Variants in TM2D1 observed in about 807,000 individuals in gnomAD.
The protein encoded by TM2D1 is TM2 domain containing 1.
TM2D1 carries 15 observed loss-of-function variants against 28.4 expected under a neutral mutation model. That is an observed-to-expected ratio of 0.53 (90% CI 0.35 to 0.81). The LOEUF is 0.81. TM2D1 is among the 40% of genes least tolerant of loss of function. TM2D1 has a pLI of 0.01. For missense variants in TM2D1, 236 were observed against 254.9 expected (o/e 0.93, Z 0.50); for synonymous variants, 93 against 96.2 (o/e 0.97, Z 0.20).
chr1:61,711,301 G>A (rs983624860), intron 2 of TM2D1, among the ~76,000 whole-genome samples: 12 of 149,418 alleles, frequency 8.0e-5, no homozygotes, highest in Non-Finnish European at 1.5e-4. Flanking sequence ...TTGCATTCCA[G>A]CCTGGGTGAA....
intron 4 of TM2D1, 58 bp downstream of exon 4, chr1:61,700,876 C>A: frequency 7.9e-7 from 1 of 1,273,724 alleles, no homozygotes; most frequent in East Asian, 2.3e-5. Context: ...ATAAGAACAC[C>A]TACAATGAAC....
chr1:61,723,164 A>G (rs1034524466), intron 2 of TM2D1, among the ~76,000 whole-genome samples: 29 of 152,224 alleles, frequency 1.9e-4, no homozygotes, highest in Non-Finnish European at 8.8e-5. Context: ...ACATAAACAC[A>G]TACCCCAAAT....
intron 2 of TM2D1, among the ~76,000 whole-genome samples, chr1:61,714,377 C>T (rs1479940729): frequency 6.6e-6 from 1 of 151,804 alleles, no homozygotes; most frequent in Admixed American, 6.6e-5. Context: ...ACCGTCTCTA[C>T]TAAAAATAGA....
chr1:61,701,957 G>A (rs972073653), intron 3 of TM2D1, among the ~76,000 whole-genome samples: 6 of 152,110 alleles, frequency 3.9e-5, no homozygotes, highest in Admixed American at 3.9e-4. Flanking sequence ...TTGGGAGGCC[G>A]AGGCAGGTGG....
chr1:61,705,159 T>TCTGAAAAC lies in TM2D1; in HGVS notation c.348-4142_348-4135dup, dbSNP rs1344507528. Reference sequence around the variant, plus strand: ...GTAAGTAAATCACCCTAAAGAATAATCTGAAAACTGGTAGTATAGCAGAGA... The same window carrying TCTGAAAAC: ...GTAAGTAAATCACCCTAAAGAATAATCTGAAAACCTGAAAACTGGTAGTATAGCAGAGA... On this transcript the variant is annotated intron_variant, in intron 3 of 6. Coordinates refer to ENST00000606498, the MANE Select transcript of TM2D1 (RefSeq NM_032027.3). Among the ~76,000 whole-genome samples the TCTGAAAAC allele has an allele frequency of 2.6e-5, 4 of 152,186 alleles. No individual in the cohort carries two copies. The East Asian group carries it at 7.7e-4, about 29-fold the overall frequency.
rs769317909 is a variant in TM2D1 at position 61,723,750 on chromosome 1, C to G, written c.201G>C (p.Thr67=). 3 of 1,557,930 alleles carry G rather than the reference C, an allele frequency of 1.9e-6. No individual in the cohort carries two copies. In the East Asian group the frequency reaches 6.9e-5, roughly 36 times the overall value. Residue 67 remains threonine, a synonymous_variant, in exon 2 of 7, where the codon ACG becomes ACC. Coordinates refer to ENST00000606498, the MANE Select transcript of TM2D1 (RefSeq NM_032027.3). The part of the protein sequence containing the change: ...ICKDPKINDA[T]QEPVNCTNYT... ...AGTTTGTACAGTTAACTGGTTCTTG[C>G]GTAGCGTCATTTATTTTTGGATCTT... is the stretch of plus-strand genomic sequence containing the variant.
chr1:61,699,355 AAAAG>A (rs1287547914), intron 4 of TM2D1: 1 of 152,186 alleles, frequency 6.6e-6, no homozygotes, highest in African/African-American at 2.4e-5. Context: ...ACACAAAAAA[AAAAG>A]AAAGAAAAAG....
intron 3 of TM2D1, among the ~76,000 whole-genome samples, chr1:61,706,906 G>T (rs996847174): frequency 2.2e-4 from 33 of 147,926 alleles, no homozygotes; most frequent in African/African-American, 8.0e-4. Context: ...CTGGCCAGTA[G>T]CCTTGGAATA....
intron 5 of TM2D1, among the ~76,000 whole-genome samples, chr1:61,684,344 T>C (rs1644268455): frequency 6.6e-6 from 1 of 152,274 alleles, no homozygotes; most frequent in Non-Finnish European, 1.5e-5. Flanking sequence ...ATTTGCCTGA[T>C]ACCATGCTAC....
intron 5 of TM2D1, chr1:61,686,952 T>C: frequency 2.0e-6 from 2 of 984,640 alleles, no homozygotes; most frequent in Non-Finnish European, 2.4e-6. Context: ...ACCCCAATAC[T>C]GGGAATTTTT....
intron 2 of TM2D1, among the ~76,000 whole-genome samples, chr1:61,721,993 C>A (rs2148071276): frequency 6.7e-6 from 1 of 149,880 alleles, no homozygotes; most frequent in South Asian, 2.1e-4. Flanking sequence ...GGGAGCCAGT[C>A]CTGGTGGTTC....
intron 5 of TM2D1, chr1:61,686,768 A>C (rs1644288653): frequency 1.0e-6 from 1 of 954,482 alleles, no homozygotes; most frequent in African/African-American, 1.8e-5. Flanking sequence ...ATATGATTGT[A>C]TTATTAATTA....
At chr1:61,719,916 A>G (rs181711446) in intron 2 of TM2D1, among the ~76,000 whole-genome samples, 1 of 152,364 alleles carries the variant, frequency 6.6e-6, no homozygotes, top group Non-Finnish European at 1.5e-5. Flanking sequence ...GTCAGAAGTT[A>G]GAATAAATAG....
intron 2 of TM2D1, among the ~76,000 whole-genome samples, chr1:61,712,982 C>T (rs1055806527): frequency 1.1e-4 from 17 of 151,796 alleles, no homozygotes; most frequent in African/African-American, 4.1e-4. Flanking sequence ...GTCACCTGAC[C>T]AACATGGTGA....
intron 1 of TM2D1, 65 bp downstream of exon 1, chr1:61,724,892 A>AGCGACCCACCT: frequency 6.7e-7 from 1 of 1,501,052 alleles, no homozygotes. Flanking sequence ...TCCTGACGGC[A>AGCGACCCACCT]GCGACCCACC....
At chr1:61,692,802 TC>T (rs1220762187) in intron 5 of TM2D1, among the ~76,000 whole-genome samples, 2 of 152,200 alleles carry the variant, frequency 1.3e-5, no homozygotes, top group Non-Finnish European at 2.9e-5. Context: ...TATTATAATC[TC>T]CCTCAATTTG....
chr1:61,719,068 T>A (rs1219459544), intron 2 of TM2D1, among the ~76,000 whole-genome samples: 2 of 152,206 alleles, frequency 1.3e-5, no homozygotes, highest in African/African-American at 2.4e-5. Context: ...TTGTTTTATT[T>A]TTTATTTATT....
Position 61,706,187 on chromosome 1 carries a change from T to A in TM2D1, c.347+3142A>T, listed in dbSNP as rs115319496. 5.6e-4 allele frequency among the ~76,000 whole-genome samples: 85 copies of A among 152,294 alleles called. 1 individual carries two copies. Among genetic ancestry groups the A allele is most frequent in the African/African-American group, 1.9e-3 (81 of 41,568 alleles). The stretch of plus-strand genomic sequence containing the variant: ...ATCAGTCTAACTCCCATTGTTCTGT[T>A]GAGCAATGCTCATTCTTTTTCTTTT... On this transcript the variant is annotated intron_variant, in intron 3 of 6. Transcript: ENST00000606498.
At chr1:61,721,649 C>CT (rs1004198866) in intron 2 of TM2D1, among the ~76,000 whole-genome samples, 6 of 151,726 alleles carry the variant, frequency 4.0e-5, no homozygotes, top group African/African-American at 1.5e-4. Context: ...ATAATTTTGG[C>CT]TGGAAGAATG....
Sources: gnomAD v4.1 joint callset for allele counts (sites outside exome capture counted in the v4.1 genomes callset) on GRCh38, gnomAD v4.1.1 for gene constraint, MANE v1.5 for transcripts, NCBI Gene and HGNC (gene_info 2026-07-23, HGNC 2026-07-21) for gene names.